KEL: variants seen among roughly 807,000 people sequenced by gnomAD.
The protein encoded by KEL is kell blood group glycoprotein.
A neutral mutation model predicts 99.5 loss-of-function variants in KEL; 96 were observed. The ratio of observed to expected loss-of-function variants is 0.97; its 90% CI spans 0.82 to 1.14. The LOEUF (loss-of-function observed/expected upper bound fraction) is 1.14. Ranked by LOEUF, KEL falls within the 50% of genes most tolerant of loss-of-function variation. The pLI, the probability that KEL is intolerant of heterozygous loss-of-function variation, is 0.00. For synonymous variants in KEL, 355 were observed against 354.8 expected, an observed-to-expected ratio of 1.00 and a Z score of -0.01; for missense variants, 926 against 924.2, an observed-to-expected ratio of 1.00 and a Z score of -0.03.
intron 4 of KEL, 101 bp from the exon 5 acceptor site, chr7:142,958,529 G>A: frequency 9.4e-7 from 1 of 1,068,072 alleles, no homozygotes; most frequent in East Asian, 2.5e-5. Context: ...TATATCATAA[G>A]TTCTCATCAG....
rs1217725145 is a variant in KEL, at chr7:142,961,521, G to A, written c.82-20C>T. 2 of 1,580,316 alleles carry A rather than the reference G, an allele frequency of 1.3e-6. No individual in the cohort carries two copies. Among genetic ancestry groups the A allele is most frequent in the East Asian group, 2.3e-5 (1 of 43,198 alleles). On this transcript the variant is annotated intron_variant, in intron 2 of 18. Transcript: ENST00000355265. ...AGTGCTCTGTGGGAGGAACCAAGAGGTGAAAGATACAAGATGGGGGTTGAG... is the reference window on the plus strand; with the variant it reads ...AGTGCTCTGTGGGAGGAACCAAGAGATGAAAGATACAAGATGGGGGTTGAG...
chr7:142,953,851 T>C lies in KEL; in HGVS notation c.1030A>G (p.Lys344Glu). Residue 344 changes from lysine (K) to glutamate (E), a missense_variant, in exon 9 of 19, where the codon AAA (lysine) becomes GAA (glutamate). Physicochemically the swap from Lys to Glu is moderately conservative, Grantham distance 56. Coordinates refer to ENST00000355265, the MANE Select transcript of KEL (RefSeq NM_000420.3). ...SLVVHDVEYL[K>E]NMSQLVEEML... Reference sequence around the variant, plus strand: ...TCCTCCACCAGTTGTGACATGTTTTTCAAATATTCCACGTCATGGACCACG... The same window carrying C: ...TCCTCCACCAGTTGTGACATGTTTTCCAAATATTCCACGTCATGGACCACG... 2.5e-6 allele frequency: 4 copies of C among 1,614,170 alleles called. No individual in the cohort carries two copies. The highest frequency in any genetic ancestry group is 3.4e-6 in the Non-Finnish European group (4 of 1,180,038).
rs539821189 is a variant in KEL at position 142,961,976 on chromosome 7, G to T, written c.4-104C>A. On this transcript the variant is annotated intron_variant, in intron 1 of 18. Transcript: ENST00000355265. ...TTTTGATACCCTCGCTGCCTGCCCT[G>T]CCCCCACACACATATTTTTATCTCG... 8.6e-5 allele frequency: 138 copies of T among 1,603,462 alleles called. 1 individual carries two copies. In the South Asian group the frequency reaches 1.5e-3, roughly 18 times the overall value.
intron 4 of KEL, 114 bp from the exon 5 acceptor site, chr7:142,958,542 G>C: frequency 5.2e-6 from 5 of 956,166 alleles, no homozygotes; most frequent in Non-Finnish European, 8.2e-6. Context: ...CTCATCAGAT[G>C]GGTTTTATTT....
In KEL at chr7:142,943,334, G is replaced by A; in HGVS notation, c.1713C>T (p.Asn571=). The A allele has an allele frequency of 6.2e-7, 1 of 1,614,144 alleles. No individual in the cohort carries two copies. ...CCATGATGCTGCCAGCAGCGCCAAA[G>A]TTCACGGCTCTAGGGAGACAAGGGC... is the stretch of plus-strand genomic sequence containing the variant. The part of the protein sequence containing the change: ...FFHPGYPRAV[N]FGAAGSIMAH... The change falls in exon 16 of 19, where the codon AAC becomes AAT. Residue 571 remains asparagine, a synonymous_variant. Transcript: ENST00000355265.
At chr7:142,954,400 T>C in intron 7 of KEL, 28 bp from the exon 8 acceptor site, 1 of 1,612,874 alleles carries the variant, frequency 6.2e-7, no homozygotes, top group South Asian at 1.1e-5. Context: ...CAGTCACAGG[T>C]GCCAGAGGTC....
In KEL at chr7:142,953,038, T is replaced by A. The variant is rs559182079; in HGVS notation, c.1074-400A>T. 6.4e-4 allele frequency among the ~76,000 whole-genome samples: 98 copies of A among 152,292 alleles called. 1 individual carries two copies. The highest frequency in any genetic ancestry group is 2.3e-3 in the African/African-American group (96 of 41,562). On this transcript the variant is annotated intron_variant, in intron 9 of 18. Transcript: ENST00000355265. ...CCACCAGCAATGCTCCTGCCAGGGCTGCATTGCACCCTTATGTAAGCCTGC... is the reference window on the plus strand; with the variant it reads ...CCACCAGCAATGCTCCTGCCAGGGCAGCATTGCACCCTTATGTAAGCCTGC...
At chr7:142,956,785 C>T (rs1249048094) in intron 6 of KEL, among the ~76,000 whole-genome samples, 1 of 152,240 alleles carries the variant, frequency 6.6e-6, no homozygotes, top group Non-Finnish European at 1.5e-5. Context: ...ATCAGTTAAA[C>T]TCCTGAGCAG....
At chr7:142,955,638 C>A (rs767133219) in intron 6 of KEL, among the ~76,000 whole-genome samples, 2 of 152,206 alleles carry the variant, frequency 1.3e-5, no homozygotes, top group African/African-American at 2.4e-5. Context: ...CCTGATGAAC[C>A]CTTGTTTCTA....
In KEL at chr7:142,952,603, A is replaced by G; in HGVS notation, c.1109T>C (p.Val370Ala). The G allele has an allele frequency of 6.2e-7, 1 of 1,614,080 alleles. No homozygotes were observed. The highest frequency in any genetic ancestry group is 8.5e-7 in the Non-Finnish European group (1 of 1,179,984). The change falls in exon 10 of 19, where the codon GTG (valine) becomes GCG (alanine). Residue 370 changes from valine (V) to alanine (A), a missense_variant. Transcript: ENST00000355265. ...GTCCAGGGCTGGAGAAAGGGTCACCACCAGCCCTAAGATCATGTGGCTCTG... is the reference window on the plus strand; with the variant it reads ...GTCCAGGGCTGGAGAAAGGGTCACCGCCAGCCCTAAGATCATGTGGCTCTG... The part of the protein sequence containing the change: ...FLQSHMILGL[V>A]VTLSPALDSQ...
chr7:142,959,527 A>G (rs1401787365), intron 4 of KEL, among the ~76,000 whole-genome samples: 1 of 152,192 alleles, frequency 6.6e-6, no homozygotes, highest in Non-Finnish European at 1.5e-5. Flanking sequence ...AAGACAAAAG[A>G]AATGATTGAA....
At position 142,960,788 on chromosome 7, in the gene KEL, C is replaced by T. The variant is rs1586273291; in HGVS notation, c.400+140G>A. ...GCCTCTTTTACTCCCCCATCATCTC[C>T]AATCATCCACCCGTATAATCCCACC... is the stretch of plus-strand genomic sequence containing the variant. On this transcript the variant is annotated intron_variant, in intron 4 of 18. Transcript: ENST00000355265. 20 of 919,132 alleles carry T rather than the reference C, an allele frequency of 2.2e-5. No individual in the cohort carries two copies. In the East Asian group the frequency reaches 4.3e-4, roughly 20 times the overall value. 56.9% of individuals were successfully genotyped at this position (919,132 alleles called of 1,614,324 possible).
At chr7:142,960,296 T>TA (rs1478991306) in intron 4 of KEL, among the ~76,000 whole-genome samples, 1 of 152,174 alleles carries the variant, frequency 6.6e-6, no homozygotes, top group Non-Finnish European at 1.5e-5. Flanking sequence ...CATCCATCTC[T>TA]AACATCCCAC....
intron 18 of KEL, 135 bp downstream of exon 18, chr7:142,942,299 T>C: frequency 1.5e-6 from 1 of 681,628 alleles, no homozygotes; most frequent in South Asian, 1.7e-5. Flanking sequence ...AGAGAAAAGA[T>C]AACAGTGAGG....
intron 14 of KEL, 39 bp from the exon 15 acceptor site, chr7:142,943,635 G>C (rs771699228): frequency 2.7e-6 from 4 of 1,466,446 alleles, no homozygotes; most frequent in South Asian, 2.4e-5. Context: ...CCCCCACCAC[G>C]TATTGCCCTG....
Position 142,962,294 on chromosome 7 carries a change from C to A in KEL, c.-88G>T. 2 of 1,475,600 alleles carry A rather than the reference C, an allele frequency of 1.4e-6. No individual in the cohort carries two copies. The highest frequency in any genetic ancestry group is 2.8e-5 in the African/African-American group (2 of 72,282). 91.4% of individuals were successfully genotyped at this position (1,475,600 alleles called of 1,614,324 possible). On this transcript the variant is annotated 5_prime_UTR_variant, in exon 1 of 19. Transcript: ENST00000355265. ...CTGGGGTCCAGGAAACACCCCCCGCCCCAGTTCCTTGATCCTGGAGAAGGG... is the reference window on the plus strand; with the variant it reads ...CTGGGGTCCAGGAAACACCCCCCGCACCAGTTCCTTGATCCTGGAGAAGGG...
intron 12 of KEL, 37 bp from the exon 13 acceptor site, chr7:142,944,437 C>G (rs761665155): frequency 1.3e-6 from 2 of 1,540,856 alleles, no homozygotes; most frequent in South Asian, 2.2e-5. Flanking sequence ...GAATACTCTC[C>G]GAGTCTACCA....
rs1317221640 is a variant in KEL, at chr7:142,957,949, T to C, written c.550A>G (p.Lys184Glu). 1 of 1,614,008 alleles carries C rather than the reference T, an allele frequency of 6.2e-7. No individual in the cohort carries two copies. Among genetic ancestry groups the C allele is most frequent in the Non-Finnish European group, 8.5e-7 (1 of 1,180,024 alleles). Reference protein sequence around the residue: ...EELGGWRISGKWTSLNFNRTL... With the variant: ...EELGGWRISGEWTSLNFNRTL... ...CGGTTAAAGTTTAAGGAAGTCCATT[T>C]ACCAGAGATGCGCCAGCCTCCAAGC... The change falls in exon 6 of 19, where the codon AAA becomes GAA. Residue 184 changes from lysine (K) to glutamate (E), a missense_variant. Coordinates refer to ENST00000355265, the MANE Select transcript of KEL (RefSeq NM_000420.3).
chr7:142,962,339 G>C lies in KEL; in HGVS notation c.-133C>G. The stretch of plus-strand genomic sequence containing the variant: ...GAAGGGGCACTTCTGCTGCTCTTTC[G>C]CCTTGTCCCCAGACACACAGGACTG... On this transcript the variant is annotated 5_prime_UTR_variant, in exon 1 of 19. Transcript: ENST00000355265. 1 of 1,041,192 alleles carries C rather than the reference G, an allele frequency of 9.6e-7. No individual in the cohort carries two copies. The highest frequency in any genetic ancestry group is 1.5e-6 in the Non-Finnish European group (1 of 669,476). 64.5% of individuals were successfully genotyped at this position (1,041,192 alleles called of 1,614,324 possible). A position where few individuals can be genotyped will look rare whatever the true frequency, so the allele number is the denominator to read the frequency against.
Sources: allele counts gnomAD v4.1 joint callset (sites outside exome capture counted in the v4.1 genomes callset), GRCh38; gene constraint gnomAD v4.1.1; transcripts MANE v1.5; gene names NCBI Gene and HGNC (gene_info 2026-07-23, HGNC 2026-07-21).